BBS9: variants seen among roughly 807,000 people sequenced by gnomAD.
BBS9 encodes the protein protein PTHB1.
In BBS9, 89 loss-of-function variants were observed where a neutral mutation model predicts 117.7. That is an observed-to-expected ratio of 0.76 (90% CI 0.64 to 0.90). The LOEUF is 0.90. Among genes scored for constraint, BBS9 ranks in the 40% least tolerant of loss-of-function variants. The probability of loss-of-function intolerance (pLI) is 0.00; values close to 1 mark genes in which losing one functional copy is unlikely to be tolerated. For missense variants in BBS9, 982 were observed against 1,042.2 expected (o/e 0.94, Z 0.80); for synonymous variants, 379 against 370.9 (o/e 1.02, Z -0.25).
At chr7:33,409,699 G>T (rs952148059) in intron 19 of BBS9, among the ~76,000 whole-genome samples, 1 of 152,096 alleles carries the variant, frequency 6.6e-6, no homozygotes, top group Non-Finnish European at 1.5e-5. Flanking sequence ...AAAAATTATA[G>T]TCATTCTAGT....
At chr7:33,483,156 G>A (rs1842704630) in intron 19 of BBS9, among the ~76,000 whole-genome samples, 1 of 152,156 alleles carries the variant, frequency 6.6e-6, no homozygotes, top group Non-Finnish European at 1.5e-5. Context: ...AGTGTATCCT[G>A]TCTTGCTATA....
intron 21 of BBS9, among the ~76,000 whole-genome samples, chr7:33,549,765 C>G (rs1188260453): frequency 6.6e-6 from 1 of 152,122 alleles, no homozygotes; most frequent in East Asian, 1.9e-4. Flanking sequence ...TTTCTACTGT[C>G]CTATGAAATA....
chr7:33,334,747 C>T (rs1031102081), intron 9 of BBS9, among the ~76,000 whole-genome samples: 1 of 152,174 alleles, frequency 6.6e-6, no homozygotes, highest in African/African-American at 2.4e-5. Flanking sequence ...CTTACCTTCT[C>T]ATTTTACATA....
At chr7:33,384,149 G>A (rs17724206) in intron 18 of BBS9, among the ~76,000 whole-genome samples, 31,840 of 152,146 alleles carry the variant, frequency 0.21, 4,053 homozygotes, top group Admixed American at 0.35. Flanking sequence ...TGAGCTTATC[G>A]GAGGCCATTT....
At chr7:33,556,590 T>A (rs1479634913) in intron 21 of BBS9, among the ~76,000 whole-genome samples, 2 of 152,168 alleles carry the variant, frequency 1.3e-5, no homozygotes, top group Non-Finnish European at 2.9e-5. Flanking sequence ...CCTAAATAAA[T>A]CTATTTTAAA....
intron 21 of BBS9, among the ~76,000 whole-genome samples, chr7:33,543,157 C>T (rs899807145): frequency 2.0e-5 from 3 of 152,092 alleles, no homozygotes; most frequent in Admixed American, 1.3e-4. Flanking sequence ...GCCATTCTTG[C>T]AGGAGTAAGG....
intron 9 of BBS9, among the ~76,000 whole-genome samples, chr7:33,302,871 G>A (rs575620854): frequency 1.3e-5 from 2 of 152,146 alleles, no homozygotes; most frequent in Non-Finnish European, 2.9e-5. Flanking sequence ...GCTTTGGGTA[G>A]TATGGACATT....
chr7:33,409,274 T>C (rs1830669451), intron 19 of BBS9, among the ~76,000 whole-genome samples: 2 of 152,208 alleles, frequency 1.3e-5, no homozygotes, highest in Non-Finnish European at 1.5e-5. Context: ...TCTTCTAGGA[T>C]TTTTATAGTT....
intron 21 of BBS9, among the ~76,000 whole-genome samples, chr7:33,574,887 C>T (rs1341194594): frequency 1.3e-5 from 2 of 152,074 alleles, no homozygotes; most frequent in Admixed American, 1.3e-4. Context: ...TAATTGATTG[C>T]TATTTTTAAA....
At chr7:33,546,286 A>T (rs192205110) in intron 21 of BBS9, among the ~76,000 whole-genome samples, 1 of 152,166 alleles carries the variant, frequency 6.6e-6, no homozygotes, top group African/African-American at 2.4e-5. Context: ...AATAGCATAC[A>T]TTTTTTAAAA....
At chr7:33,495,930 CAG>C (rs1253428736) in intron 19 of BBS9, among the ~76,000 whole-genome samples, 4 of 152,066 alleles carry the variant, frequency 2.6e-5, no homozygotes, top group African/African-American at 9.7e-5. Context: ...AGAAATGTCT[CAG>C]AAATAATTTG....
In BBS9 at chr7:33,358,092, T is replaced by C; in HGVS notation, c.1693+97T>C. The stretch of plus-strand genomic sequence containing the variant: ...AGATAATGATGGGGTAATTATCAGA[T>C]AATTGTTAAGTAAGAGTATAAAAAT... On this transcript the variant is annotated intron_variant, in intron 16 of 22. Transcript: ENST00000242067. The C allele has an allele frequency of 3.4e-6, 5 of 1,470,762 alleles. No individual in the cohort carries two copies. The Admixed American group carries it at 8.6e-5, about 25-fold the overall frequency. 91.1% of individuals were successfully genotyped at this position (1,470,762 alleles called of 1,614,324 possible). A position where few individuals can be genotyped will look rare whatever the true frequency, so the allele number is the denominator to read the frequency against.
chr7:33,606,854 C>T (rs1391609241), downstream of BBS9, among the ~76,000 whole-genome samples: 3 of 152,014 alleles, frequency 2.0e-5, no homozygotes, highest in Non-Finnish European at 4.4e-5. Context: ...ATATTCTCCT[C>T]GTTTTTGTCT....
At chr7:33,410,859 A>G (rs1198607712) in intron 19 of BBS9, among the ~76,000 whole-genome samples, 1 of 128,376 alleles carries the variant, frequency 7.8e-6, no homozygotes, top group Non-Finnish European at 1.6e-5. Flanking sequence ...TTTCTCTTCT[A>G]GATGCAACCT....
chr7:33,385,713 AT>A (rs765187971), intron 18 of BBS9, among the ~76,000 whole-genome samples: 159 of 152,208 alleles, frequency 1.0e-3, no homozygotes, highest in Non-Finnish European at 1.7e-3. Flanking sequence ...ATTATTGATA[AT>A]TAGGTTAATG....
chr7:33,430,843 G>T (rs191802667), intron 19 of BBS9, among the ~76,000 whole-genome samples: 1 of 152,170 alleles, frequency 6.6e-6, no homozygotes, highest in Non-Finnish European at 1.5e-5. Context: ...AGTCTTCAAT[G>T]AATATGAAAA....
At chr7:33,315,875 C>T (rs1371058095) in intron 9 of BBS9, among the ~76,000 whole-genome samples, 3 of 152,110 alleles carry the variant, frequency 2.0e-5, no homozygotes, top group African/African-American at 4.8e-5. Context: ...AACTCCTGTG[C>T]ACACAGCACT....
At chr7:33,542,277 G>T (rs763573891) in intron 21 of BBS9, among the ~76,000 whole-genome samples, 19 of 152,196 alleles carry the variant, frequency 1.2e-4, no homozygotes, top group Non-Finnish European at 1.9e-4. Flanking sequence ...TAGAGACGGG[G>T]TTTCACCATA....
At position 33,383,842 on chromosome 7, in the gene BBS9, T is replaced by G. The variant is rs761849340; in HGVS notation, c.1962+4T>G. ...GTTGATTGATCATCATTTTGAGGTA[T>G]GTATGATCATAACCCACATCATCTA... On this transcript the variant is annotated splice_donor_region_variant and intron_variant, in intron 18 of 22. Transcript: ENST00000242067. The G allele has an allele frequency of 2.5e-6, 4 of 1,610,218 alleles. No homozygotes were observed. Among genetic ancestry groups the G allele is most frequent in the Non-Finnish European group, 3.4e-6 (4 of 1,178,556 alleles).
Sources: allele counts gnomAD v4.1 joint callset (sites outside exome capture counted in the v4.1 genomes callset), GRCh38; gene constraint gnomAD v4.1.1; transcripts MANE v1.5; gene names NCBI Gene and HGNC (gene_info 2026-07-23, HGNC 2026-07-21).